Variants in GSK3A observed in about 807,000 individuals in gnomAD.
GSK3A encodes glycogen synthase kinase 3 alpha, also known as glycogen synthase kinase-3 alpha.
Under a neutral mutation model 56.6 loss-of-function variants are expected in GSK3A, and 14 were observed. The observed-to-expected ratio is 0.25, with a 90% confidence interval of 0.16 to 0.39. The LOEUF is 0.39. Ranked by LOEUF, GSK3A falls within the 10% of genes least tolerant of loss-of-function variation. The pLI, the probability that GSK3A is intolerant of heterozygous loss-of-function variation, is 1.00. For synonymous variants in GSK3A, 301 were observed against 285.0 expected, an observed-to-expected ratio of 1.06 and a Z score of -0.56; for missense variants, 450 against 656.0, an observed-to-expected ratio of 0.69 and a Z score of 3.43.
Position 42,240,156 on chromosome 19 carries a change from G to A in GSK3A, c.284-14C>T, listed in dbSNP as rs778022532. Reference sequence around the variant, plus strand: ...TCCCGCTGTCACCTGGGGAACAAAGGGGATACACGATCCACTGACCCATCC... The same window carrying A: ...TCCCGCTGTCACCTGGGGAACAAAGAGGATACACGATCCACTGACCCATCC... On this transcript the variant is annotated splice_polypyrimidine_tract_variant and intron_variant, in intron 1 of 10. Transcript: ENST00000222330. 30 of 1,613,000 alleles carry A rather than the reference G, an allele frequency of 1.9e-5. No homozygotes were observed. In the South Asian group the frequency reaches 3.2e-4, roughly 17 times the overall value.
chr19:42,239,489 C>T (rs370632950), intron 2 of GSK3A, among the ~76,000 whole-genome samples: 4 of 152,302 alleles, frequency 2.6e-5, no homozygotes, highest in African/African-American at 9.6e-5. Context: ...CTGGGAAGAG[C>T]GCGACCTTCA....
At chr19:42,238,952 G>C (rs911772592) in intron 2 of GSK3A, among the ~76,000 whole-genome samples, 1 of 151,826 alleles carries the variant, frequency 6.6e-6, no homozygotes, top group African/African-American at 2.4e-5. Context: ...CTGGGTGACA[G>C]AGTAAGACTC....
chr19:42,241,528 G>A (rs954261814), intron 1 of GSK3A: 1 of 152,210 alleles, frequency 6.6e-6, no homozygotes, highest in Non-Finnish European at 1.5e-5. Context: ...TTGGTTTGAA[G>A]GATATGCTGA....
chr19:42,239,510 C>T (rs1332050151), intron 2 of GSK3A, among the ~76,000 whole-genome samples: 1 of 152,228 alleles, frequency 6.6e-6, no homozygotes, highest in South Asian at 2.1e-4. Context: ...GAACCACCCG[C>T]GCTAGCCCTG....
At chr19:42,231,791 A>C (rs546859719) in intron 10 of GSK3A, among the ~76,000 whole-genome samples, 1 of 152,048 alleles carries the variant, frequency 6.6e-6, no homozygotes, top group East Asian at 1.9e-4. Context: ...AAAAAAACAA[A>C]CTTGGGCAAC....
At position 42,233,388 on chromosome 19, in the gene GSK3A, G is replaced by A. The variant is rs1404399440; in HGVS notation, c.905-5C>T. 2 of 1,564,528 alleles carry A rather than the reference G, an allele frequency of 1.3e-6. No homozygotes were observed. The highest frequency in any genetic ancestry group is 2.3e-5 in the South Asian group (2 of 85,658). On this transcript the variant is annotated splice_region_variant and splice_polypyrimidine_tract_variant and intron_variant, in intron 6 of 10. Coordinates refer to ENST00000222330, the MANE Select transcript of GSK3A (RefSeq NM_019884.3). ...CACAGCCAGCTGACCAAACATCTGA[G>A]GGGAAATGGAGGGAGCGTCAGGGCT...
At chr19:42,232,765 C>T (rs1232492377) in intron 8 of GSK3A, 83 bp from the exon 9 acceptor site, 16 of 1,191,908 alleles carry the variant, frequency 1.3e-5, no homozygotes, top group Admixed American at 5.2e-5. Context: ...ACAGTGCCTG[C>T]GGCAAGTTAT....
Position 42,236,855 on chromosome 19 carries a change from C to T in GSK3A, c.555+3G>A. On this transcript the variant is annotated splice_donor_region_variant and intron_variant, in intron 3 of 10. Coordinates refer to ENST00000222330, the MANE Select transcript of GSK3A (RefSeq NM_019884.3). Reference sequence around the variant, plus strand: ...ACCCACCACCACCACCTCGAGATCTCACCTTCTCGCCACTGGAGTAGAAAA... The same window carrying T: ...ACCCACCACCACCACCTCGAGATCTTACCTTCTCGCCACTGGAGTAGAAAA... 1.2e-6 allele frequency: 2 copies of T among 1,606,130 alleles called. No individual in the cohort carries two copies. The highest frequency in any genetic ancestry group is 1.7e-6 in the Non-Finnish European group (2 of 1,172,736).
At chr19:42,241,333 C>G (rs926451811) in intron 1 of GSK3A, 2 of 152,114 alleles carry the variant, frequency 1.3e-5, no homozygotes, top group African/African-American at 4.8e-5. Context: ...CAAGTTCTTT[C>G]AGAGGGAGAT....
chr19:42,230,507 A>C lies in GSK3A; in HGVS notation c.*287T>G. 1 of 332,896 alleles carries C rather than the reference A, an allele frequency of 3.0e-6. No homozygotes were observed. The allele number at this position is 332,896 out of a possible 1,614,324, so 20.6% of individuals were successfully genotyped here. ...CACAGGAGGGGAGGGGGTCTGGAGG[A>C]GGTGGAGGTCTGGGGGAGGGGAGGG... is the stretch of plus-strand genomic sequence containing the variant. On this transcript the variant is annotated 3_prime_UTR_variant, in exon 11 of 11. Coordinates refer to ENST00000222330, the MANE Select transcript of GSK3A (RefSeq NM_019884.3).
In GSK3A at chr19:42,232,143, G is replaced by A; in HGVS notation, c.1292C>T (p.Ser431Phe). 1 of 1,591,928 alleles carries A rather than the reference G, an allele frequency of 6.3e-7. No homozygotes were observed. The highest frequency in any genetic ancestry group is 8.6e-7 in the Non-Finnish European group (1 of 1,160,706). The part of the protein sequence containing the change: ...PLFNFSAGEL[S>F]IQPSLNAILI... ...AATGGCGTTGAGAGACGGTTGGATG[G>A]AGAGTTCTAGAAACAGGAATTGACA... The change falls in exon 10 of 11, where the codon TCC (serine) becomes TTC (phenylalanine). Residue 431 changes from serine (S) to phenylalanine (F), a missense_variant. This residue lies in a region of GSK3A where 113 missense variants were observed against 147.5 expected (regional missense o/e 0.77). Transcript: ENST00000222330.
chr19:42,231,787 A>T (rs1183876115), intron 10 of GSK3A, among the ~76,000 whole-genome samples: 2 of 151,950 alleles, frequency 1.3e-5, no homozygotes, highest in Non-Finnish European at 2.9e-5. Flanking sequence ...AAAAAAAAAA[A>T]CAAACTTGGG....
chr19:42,233,034 A>G (rs2036234238), intron 8 of GSK3A, 76 bp downstream of exon 8: 1 of 878,780 alleles, frequency 1.1e-6, no homozygotes, highest in East Asian at 2.5e-5. Context: ...TTCTGAGGCT[A>G]GGTCCACAGA....
intron 2 of GSK3A, among the ~76,000 whole-genome samples, chr19:42,237,379 G>A (rs2036263811): frequency 6.6e-6 from 1 of 151,068 alleles, no homozygotes. Context: ...GGATGGTCTC[G>A]ATCTCCTGAC....
chr19:42,242,339 G>C lies in GSK3A; in HGVS notation c.127C>G (p.Pro43Ala). 7.0e-7 allele frequency: 1 copy of C among 1,423,538 alleles called. No homozygotes were observed. Among genetic ancestry groups the C allele is most frequent in the South Asian group, 1.4e-5 (1 of 69,948 alleles). 88.2% of individuals were successfully genotyped at this position (1,423,538 alleles called of 1,614,324 possible). ...GCCTTTCCGCCGCCGGTGCCGCCTG[G>C]GCCGGAGGCCGAGCCTCCGGGGCCG... is the stretch of plus-strand genomic sequence containing the variant. ...GGGPGGSASGPGGTGGGKASV... is the reference protein window; with the variant it reads ...GGGPGGSASGAGGTGGGKASV... The change falls in exon 1 of 11, where the codon CCA (proline) becomes GCA (alanine). Residue 43 changes from proline (P) to alanine (A), a missense_variant. Around this residue, in one of 3 missense-constraint regions of GSK3A, gnomAD observed 193 missense variants for 200.5 expected, o/e 0.96. Coordinates refer to ENST00000222330, the MANE Select transcript of GSK3A (RefSeq NM_019884.3).
At chr19:42,232,906 T>A (rs971499501) in intron 8 of GSK3A, 8 of 573,308 alleles carry the variant, frequency 1.4e-5, no homozygotes, top group Non-Finnish European at 2.1e-5. Flanking sequence ...TGACCCTCCA[T>A]AAAAATTGGA....
rs1413878046 is a variant in GSK3A, at chr19:42,242,517, A to AGCCGCC, written c.-58_-53dup. On this transcript the variant is annotated 5_prime_UTR_variant, in exon 1 of 11. Coordinates refer to ENST00000222330, the MANE Select transcript of GSK3A (RefSeq NM_019884.3). The stretch of plus-strand genomic sequence containing the variant: ...GGGCTCGGGCTGCCCGGGCTGCCCC[A>AGCCGCC]GCCGCCGCCGCTGCCGCCGCCTCCC... 2 of 1,010,722 alleles carry AGCCGCC rather than the reference A, an allele frequency of 2.0e-6. No homozygotes were observed. Among genetic ancestry groups the AGCCGCC allele is most frequent in the South Asian group, 4.6e-5 (1 of 21,948 alleles). 62.6% of individuals were successfully genotyped at this position (1,010,722 alleles called of 1,614,324 possible). A position where few individuals can be genotyped will look rare whatever the true frequency, so the allele number is the denominator to read the frequency against.
chr19:42,238,550 T>A (rs1358315809), intron 2 of GSK3A, among the ~76,000 whole-genome samples: 1 of 134,326 alleles, frequency 7.4e-6, no homozygotes, highest in African/African-American at 2.9e-5. Flanking sequence ...GAGGTTGCAG[T>A]GACCCGAGAT....
In GSK3A at chr19:42,230,545, A is replaced by G; in HGVS notation, c.*249T>C. On this transcript the variant is annotated 3_prime_UTR_variant, in exon 11 of 11. Transcript: ENST00000222330. ...GGGGAGGGGAGGGGGCCAAGGGGGT[A>G]GGAGGTCCTCATCCCCCCAACACCC... 1 of 539,564 alleles carries G rather than the reference A, an allele frequency of 1.9e-6. No individual in the cohort carries two copies. The highest frequency in any genetic ancestry group is 3.3e-6 in the Non-Finnish European group (1 of 300,130). The allele number at this position is 539,564 out of a possible 1,614,324, so 33.4% of individuals were successfully genotyped here. A position where few individuals can be genotyped will look rare whatever the true frequency, so the allele number is the denominator to read the frequency against.
Sources: allele counts gnomAD v4.1 joint callset (sites outside exome capture counted in the v4.1 genomes callset), GRCh38; gene constraint gnomAD v4.1.1; regional missense constraint gnomAD v4.1.1; transcripts MANE v1.5; gene names NCBI Gene and HGNC (gene_info 2026-07-23, HGNC 2026-07-21).